Variants in TLE2 observed in about 807,000 individuals in gnomAD.
The protein encoded by TLE2 is TLE family member 2, transcriptional corepressor, also known as transducin-like enhancer protein 2.
TLE2 carries 74 observed loss-of-function variants against 97.2 expected under a neutral mutation model. The ratio of observed to expected loss-of-function variants is 0.76; its 90% confidence interval spans 0.63 to 0.92. The LOEUF is 0.92. Ranked by LOEUF, TLE2 falls within the 40% of genes least tolerant of loss-of-function variation. The pLI is 0.00. For missense variants in TLE2, 1,038 were observed against 1,008.7 expected (o/e 1.03, Z -0.39); for synonymous variants, 499 against 432.1 (o/e 1.15, Z -1.92).
intron 19 of TLE2, 46 bp downstream of exon 19, chr19:3,000,601 C>G (rs200341404): frequency 1.3e-6 from 2 of 1,534,094 alleles, no homozygotes; most frequent in Admixed American, 2.0e-5. Context: ...CTGGCATACC[C>G]GGGCACATGG....
chr19:2,999,042 G>A (rs1052694526), intron 19 of TLE2, among the ~76,000 whole-genome samples: 1 of 152,122 alleles, frequency 6.6e-6, no homozygotes, highest in Non-Finnish European at 1.5e-5. Context: ...GGCGCTTCCG[G>A]AGGCCGAGGC....
At chr19:3,017,701 C>T in intron 8 of TLE2, 139 bp downstream of exon 8, 2 of 693,648 alleles carry the variant, frequency 2.9e-6, no homozygotes, top group South Asian at 2.4e-5. Flanking sequence ...ATTCTCCTAC[C>T]TCTGCCTACC....
chr19:3,043,162 C>T (rs2090116828), intron 1 of TLE2, among the ~76,000 whole-genome samples: 1 of 151,270 alleles, frequency 6.6e-6, no homozygotes, highest in Non-Finnish European at 1.5e-5. Flanking sequence ...AAGGTCTCAC[C>T]GTGTCGCCCA....
chr19:3,025,618 G>T (rs2089929891), intron 4 of TLE2: 1 of 985,958 alleles, frequency 1.0e-6, no homozygotes, highest in African/African-American at 1.7e-5. Context: ...ATTTCATCTG[G>T]AGAGGGTCTG....
At chr19:3,021,541 G>A (rs1482706547) in intron 5 of TLE2, among the ~76,000 whole-genome samples, 1 of 152,176 alleles carries the variant, frequency 6.6e-6, no homozygotes, top group Non-Finnish European at 1.5e-5. Context: ...TTAAATTTAA[G>A]TGAATACAAG....
At chr19:3,017,178 C>T (rs1038068416) in intron 8 of TLE2, among the ~76,000 whole-genome samples, 3 of 151,992 alleles carry the variant, frequency 2.0e-5, no homozygotes, top group Non-Finnish European at 4.4e-5. Flanking sequence ...CATACTGTCG[C>T]ACAGGCTGGA....
chr19:3,002,599 C>G, intron 17 of TLE2, 96 bp from the exon 18 acceptor site: 1 of 1,441,984 alleles, frequency 6.9e-7, no homozygotes. Flanking sequence ...AGTGCAGTGG[C>G]ACAATCATGG....
intron 19 of TLE2, among the ~76,000 whole-genome samples, chr19:2,999,120 A>G (rs1413950037): frequency 6.6e-6 from 1 of 152,036 alleles, no homozygotes; most frequent in Admixed American, 6.6e-5. Flanking sequence ...CGTCTCTACT[A>G]AAAATACAAA....
Position 3,009,671 on chromosome 19 carries a change from G to T in TLE2, c.1044C>A (p.Pro348=). 6.2e-7 allele frequency: 1 copy of T among 1,612,812 alleles called. No individual in the cohort carries two copies. The highest frequency in any genetic ancestry group is 2.2e-5 in the East Asian group (1 of 44,862). ...AGCCCAGGCTGAAGGACGTGGTGAA[G>T]GGACTGGACAGAGTCAGGGGGCTCC... The part of the protein sequence containing the change: ...ALRSPLTLSS[P]FTTSFSLGSH... Residue 348 remains proline, a synonymous_variant, in exon 13 of 20, where the codon CCC becomes CCA. Coordinates refer to ENST00000262953, the MANE Select transcript of TLE2 (RefSeq NM_003260.5).
chr19:3,029,953 C>T (rs2090009490), upstream of TLE2, among the ~76,000 whole-genome samples: 2 of 151,922 alleles, frequency 1.3e-5, no homozygotes, highest in South Asian at 4.1e-4. Flanking sequence ...TGCACCACCA[C>T]GCCCAGCTAA....
At position 3,008,961 on chromosome 19, in the gene TLE2, G is replaced by T; in HGVS notation, c.1174-16C>A. ...CAAATGCCATCTGTGAGAATGCCAG[G>T]GGGGTGTCAGTGAGGCAGGTGACTC... On this transcript the variant is annotated splice_polypyrimidine_tract_variant and intron_variant, in intron 13 of 19. Transcript: ENST00000262953. The T allele has an allele frequency of 6.4e-7, 1 of 1,563,464 alleles. No individual in the cohort carries two copies. Among genetic ancestry groups the T allele is most frequent in the South Asian group, 1.2e-5 (1 of 84,028 alleles).
rs2145126844 is a variant in TLE2 at position 3,005,775 on chromosome 19, CAGG to C, written c.1691_1693del (p.Ser564del). 1.9e-6 allele frequency: 3 copies of C among 1,613,936 alleles called. No homozygotes were observed. The highest frequency in any genetic ancestry group is 2.5e-6 in the Non-Finnish European group (3 of 1,179,852). On this transcript the variant is annotated inframe_deletion, in exon 16 of 20. Coordinates refer to ENST00000262953, the MANE Select transcript of TLE2 (RefSeq NM_003260.5). Reference sequence around the variant, plus strand: ...GACCACAATGTTGCCATCGCTGCAGCAGGAGAAGCAAACCTTGGCGTCGGGGCT... The same window carrying C: ...GACCACAATGTTGCCATCGCTGCAGCAGAAGCAAACCTTGGCGTCGGGGCT...
chr19:3,005,529 T>A lies in TLE2; in HGVS notation c.1804A>T (p.Thr602Ser). 6.2e-7 allele frequency: 1 copy of A among 1,613,476 alleles called. No homozygotes were observed. Among genetic ancestry groups the A allele is most frequent in the Admixed American group, 1.7e-5 (1 of 59,930 alleles). The change falls in exon 17 of 20, where the codon ACT becomes TCT. Residue 602 changes from threonine (T) to serine (S), a missense_variant. By Grantham distance (58) the Thr-to-Ser change is moderately conservative. Coordinates refer to ENST00000262953, the MANE Select transcript of TLE2 (RefSeq NM_003260.5). ...TCCAGGCCCCCTGTCCAGAGCCGAG[T>A]GCCGTAATCGGAAATATCAATGCAG... ...ASCIDISDYG[T>S]RLWTGGLDNT...
chr19:3,019,919 T>A lies in TLE2; in HGVS notation c.295-146A>T. On this transcript the variant is annotated intron_variant, in intron 5 of 19. Coordinates refer to ENST00000262953, the MANE Select transcript of TLE2 (RefSeq NM_003260.5). The surrounding 1 kb of genome is among the most constrained non-coding windows in gnomAD (Gnocchi z 5.1). ...TCTTTTATCTTTTTCCCTCTCACTCTCTCCCTTTCCTTTTGGAATTTTGAA... is the reference window on the plus strand; with the variant it reads ...TCTTTTATCTTTTTCCCTCTCACTCACTCCCTTTCCTTTTGGAATTTTGAA... The A allele has an allele frequency of 9.0e-7, 1 of 1,116,508 alleles. No individual in the cohort carries two copies. The highest frequency in any genetic ancestry group is 1.3e-6 in the Non-Finnish European group (1 of 799,204). 69.2% of individuals were successfully genotyped at this position (1,116,508 alleles called of 1,614,324 possible). A position where few individuals can be genotyped will look rare whatever the true frequency, so the allele number is the denominator to read the frequency against.
chr19:3,005,772 C>T lies in TLE2; in HGVS notation c.1697G>A (p.Cys566Tyr). The change falls in exon 16 of 20, where the codon TGC becomes TAC. Residue 566 changes from cysteine (C) to tyrosine (Y), a missense_variant. Transcript: ENST00000262953. ...CCAGACCACAATGTTGCCATCGCTG[C>T]AGCAGGAGAAGCAAACCTTGGCGTC... Reference protein sequence around the residue: ...SPDAKVCFSCCSDGNIVVWDL... With the variant: ...SPDAKVCFSCYSDGNIVVWDL... 6.2e-7 allele frequency: 1 copy of T among 1,613,968 alleles called. No homozygotes were observed. Among genetic ancestry groups the T allele is most frequent in the Non-Finnish European group, 8.5e-7 (1 of 1,179,864 alleles).
chr19:3,036,503 C>T (rs1778496384), intron 1 of TLE2, among the ~76,000 whole-genome samples: 1 of 152,232 alleles, frequency 6.6e-6, no homozygotes, highest in Admixed American at 6.5e-5. Context: ...CTCTGCCTAC[C>T]GCCCCCTCCA....
At chr19:3,039,061 T>TA (rs370737662) in intron 1 of TLE2, among the ~76,000 whole-genome samples, 13,404 of 121,448 alleles carry the variant, frequency 0.11, 2,288 homozygotes, top group African/African-American at 0.36. Context: ...AAATAAAAAT[T>TA]AAAAAAAAAA....
chr19:3,015,270 G>A (rs2089678068), intron 9 of TLE2, among the ~76,000 whole-genome samples: 1 of 152,180 alleles, frequency 6.6e-6, no homozygotes, highest in Non-Finnish European at 1.5e-5. Flanking sequence ...CTACAAGTGT[G>A]CAGCCGTCTG....
At position 3,017,921 on chromosome 19, in the gene TLE2, G is replaced by A. The variant is rs990804364; in HGVS notation, c.551-62C>T. The A allele has an allele frequency of 2.6e-5, 40 of 1,529,780 alleles. No homozygotes were observed. The Admixed American group carries it at 3.8e-4, about 15-fold the overall frequency. The allele number at this position is 1,529,780 out of a possible 1,614,324, so 94.8% of individuals were successfully genotyped here. On this transcript the variant is annotated intron_variant, in intron 7 of 19. Coordinates refer to ENST00000262953, the MANE Select transcript of TLE2 (RefSeq NM_003260.5). ...GAAAGAATGAGGCGTTTGTATCCAC[G>A]GCGCCAGAGGGTACAGCCCTCCAGT...
Sources: allele counts gnomAD v4.1 joint callset (sites outside exome capture counted in the v4.1 genomes callset), GRCh38; gene constraint gnomAD v4.1.1; non-coding constraint Gnocchi (gnomAD v3.1); transcripts MANE v1.5; gene names NCBI Gene and HGNC (gene_info 2026-07-23, HGNC 2026-07-21).